CDC25A: variants seen among roughly 807,000 people sequenced by gnomAD.
The protein encoded by CDC25A is M-phase inducer phosphatase 1.
In CDC25A, 17 loss-of-function variants were observed where a neutral mutation model predicts 64.6. The ratio of observed to expected loss-of-function variants is 0.26; its 90% CI spans 0.18 to 0.39. The LOEUF is 0.39. CDC25A is among the 10% of genes least tolerant of loss of function. The pLI, the probability that CDC25A is intolerant of heterozygous loss-of-function variation, is 1.00. For synonymous variants in CDC25A, 229 were observed against 238.6 expected (o/e 0.96, Z 0.37); for missense variants, 473 against 654.8 (o/e 0.72, Z 3.03).
chr3:48,161,050 G>A (rs2031737622), intron 13 of CDC25A: 1 of 151,874 alleles, frequency 6.6e-6, no homozygotes, highest in Admixed American at 6.6e-5. Context: ...CTACTTGGGA[G>A]GCTGAGGCAG....
intron 9 of CDC25A, among the ~76,000 whole-genome samples, chr3:48,169,014 AAAAGGATAATACT>A (rs1194019921): frequency 6.6e-6 from 1 of 152,220 alleles, no homozygotes; most frequent in Non-Finnish European, 1.5e-5. Context: ...TAATTTGAGT[AAAAGGATAATACT>A]TGTAATACAC....
In CDC25A at chr3:48,165,860, G is replaced by A; in HGVS notation, c.1063C>T (p.Gln355Ter). The A allele has an allele frequency of 6.2e-7, 1 of 1,609,018 alleles. No homozygotes were observed. Among genetic ancestry groups the A allele is most frequent in the South Asian group, 1.1e-5 (1 of 90,964 alleles). Reference protein sequence around the residue: ...YLFHTVAGKHQDLKYISPEIM... With the variant: ...YLFHTVAGKH ...TCTGGAGAGATGTATTTTAAATCCTGATGTTTCCCAGCAACTGTATGAAAG... is the reference window on the plus strand; with the variant it reads ...TCTGGAGAGATGTATTTTAAATCCTAATGTTTCCCAGCAACTGTATGAAAG... The change falls in exon 11 of 15, where the codon CAG (glutamine) becomes TAG (stop). Residue 355 changes from glutamine to a stop codon, truncating the protein, a stop_gained. Transcript: ENST00000302506. LOFTEE classifies it high-confidence loss of function.
In CDC25A at chr3:48,158,877, C is replaced by G; in HGVS notation, c.*68G>C. ...ACAGCTGTCCCCTTTGCTTAAGTTT[C>G]TCTGCAGCAAAGAGGGTAAAGGGGG... is the stretch of plus-strand genomic sequence containing the variant. On this transcript the variant is annotated 3_prime_UTR_variant, in exon 15 of 15. Coordinates refer to ENST00000302506, the MANE Select transcript of CDC25A (RefSeq NM_001789.3). 6.4e-7 allele frequency: 1 copy of G among 1,573,032 alleles called. No individual in the cohort carries two copies. The highest frequency in any genetic ancestry group is 2.2e-5 in the East Asian group (1 of 44,498).
chr3:48,180,895 C>A, intron 5 of CDC25A, 55 bp from the exon 6 acceptor site: 1 of 1,596,962 alleles, frequency 6.3e-7, no homozygotes, highest in Non-Finnish European at 8.6e-7. Context: ...CAGGCCTCAG[C>A]TTGGGTGAAA....
rs1553768360 is a variant in CDC25A, at chr3:48,168,360, C to CCACAGACACA, written c.931-417_931-416insTGTGTCTGTG. 4.9e-3 allele frequency among the ~76,000 whole-genome samples: 524 copies of CCACAGACACA among 106,606 alleles called. 1 individual carries two copies. The highest frequency in any genetic ancestry group is 6.5e-3 in the Non-Finnish European group (353 of 54,534). 69.9% of individuals were successfully genotyped at this position (106,606 alleles called of 152,430 possible). A position where few individuals can be genotyped will look rare whatever the true frequency, so the allele number is the denominator to read the frequency against. On this transcript the variant is annotated intron_variant, in intron 9 of 14. Coordinates refer to ENST00000302506, the MANE Select transcript of CDC25A (RefSeq NM_001789.3). Reference sequence around the variant, plus strand: ...ACCAGATCAAAGAGCAAGACCCTGTCCACACACACACACACACACACACAC... The same window carrying CCACAGACACA: ...ACCAGATCAAAGAGCAAGACCCTGTCCACAGACACACACACACACACACACACACACACAC...
intron 9 of CDC25A, 42 bp from the exon 10 acceptor site, chr3:48,167,986 A>G: frequency 8.1e-7 from 1 of 1,228,378 alleles, no homozygotes; most frequent in Non-Finnish European, 1.2e-6. Flanking sequence ...AGGGTTCTGA[A>G]TGGAACTTCC....
Position 48,188,004 on chromosome 3 carries a change from C to T in CDC25A, c.-57G>A, listed in dbSNP as rs2106776055. On this transcript the variant is annotated 5_prime_UTR_variant, in exon 1 of 15. Coordinates refer to ENST00000302506, the MANE Select transcript of CDC25A (RefSeq NM_001789.3). ...CCTCTTCCTCTGCCTCCGCCGCGAC[C>T]GCCCCGCCCCGCCGACACCGGCCTC... The T allele has an allele frequency of 1.6e-6, 2 of 1,288,728 alleles. No individual in the cohort carries two copies. Among genetic ancestry groups the T allele is most frequent in the South Asian group, 2.1e-5 (1 of 47,304 alleles). The allele number at this position is 1,288,728 out of a possible 1,614,324, so 79.8% of individuals were successfully genotyped here.
Position 48,187,818 on chromosome 3 carries a change from T to G in CDC25A, c.130A>C (p.Asn44His). The change falls in exon 1 of 15, where the codon AAC becomes CAC. Residue 44 changes from asparagine to histidine, a missense_variant. Physicochemically the swap from Asn to His is moderately conservative, Grantham distance 68 (BLOSUM62 1). This residue lies in a region of CDC25A where 376 missense variants were observed against 431.9 expected (regional missense o/e 0.87). Transcript: ENST00000302506. Reference protein sequence around the residue: ...SAAGGLSPVTNLTVTMDQLQG... With the variant: ...SAAGGLSPVTHLTVTMDQLQG... ...AGCTGGTCCATAGTGACGGTCAGGTTGGTGACAGGCGACAGTCCCCCGGCG... is the reference window on the plus strand; with the variant it reads ...AGCTGGTCCATAGTGACGGTCAGGTGGGTGACAGGCGACAGTCCCCCGGCG... 1 of 1,548,696 alleles carries G rather than the reference T, an allele frequency of 6.5e-7. No individual in the cohort carries two copies. The highest frequency in any genetic ancestry group is 8.7e-7 in the Non-Finnish European group (1 of 1,145,680).
At chr3:48,175,716 A>G (rs1378105756) in intron 8 of CDC25A, among the ~76,000 whole-genome samples, 1 of 152,246 alleles carries the variant, frequency 6.6e-6, no homozygotes, top group South Asian at 2.1e-4. Context: ...AATCAAATCT[A>G]TAAAACTAAC....
intron 1 of CDC25A, among the ~76,000 whole-genome samples, chr3:48,187,544 C>A (rs1167139456): frequency 2.0e-5 from 3 of 152,240 alleles, no homozygotes; most frequent in African/African-American, 4.8e-5. Context: ...GGGCCTGGCT[C>A]GGGCTTAGGC....
At chr3:48,172,430 T>C (rs998717472) in intron 9 of CDC25A, among the ~76,000 whole-genome samples, 1 of 152,192 alleles carries the variant, frequency 6.6e-6, no homozygotes, top group Non-Finnish European at 1.5e-5. Flanking sequence ...TTATAATGCT[T>C]AATACCAAAC....
At chr3:48,178,086 A>T (rs2032531799) in intron 6 of CDC25A, 98 bp from the exon 7 acceptor site, 2 of 1,239,050 alleles carry the variant, frequency 1.6e-6, no homozygotes, top group Non-Finnish European at 2.2e-6. Context: ...ATACTATGTT[A>T]TACTTGTTAT....
chr3:48,167,213 T>G (rs2032060390), intron 10 of CDC25A, among the ~76,000 whole-genome samples: 1 of 152,230 alleles, frequency 6.6e-6, no homozygotes, highest in African/African-American at 2.4e-5. Flanking sequence ...TTGGAATCTC[T>G]GCCTAACACA....
At chr3:48,184,737 A>C (rs759943859) in intron 2 of CDC25A, 42 bp from the exon 3 acceptor site, 5 of 1,426,180 alleles carry the variant, frequency 3.5e-6, no homozygotes, top group Middle Eastern at 1.9e-4. Context: ...AATACAAAAA[A>C]CACCATTTTG....
In CDC25A at chr3:48,182,953, G is replaced by A. The variant is rs754661584; in HGVS notation, c.405C>T (p.Ile135=). Residue 135 remains isoleucine (I), a synonymous_variant, in exon 5 of 15, where the codon ATC becomes ATT. Coordinates refer to ENST00000302506, the MANE Select transcript of CDC25A (RefSeq NM_001789.3). ...DSLDHDIFQL[I]DPDENKENEA... ...CATTTTCCTTGTTCTCATCTGGGTC[G>A]ATGAGCTGAAAGATGTCATGGTCAA... 21 of 1,612,350 alleles carry A rather than the reference G, an allele frequency of 1.3e-5. No individual in the cohort carries two copies. Among genetic ancestry groups the A allele is most frequent in the African/African-American group, 1.2e-4 (9 of 74,886 alleles).
Position 48,177,997 on chromosome 3 carries a change from C to CA in CDC25A, c.550-10dup. 1 of 1,602,444 alleles carries CA rather than the reference C, an allele frequency of 6.2e-7. No individual in the cohort carries two copies. Among genetic ancestry groups the CA allele is most frequent in the Non-Finnish European group, 8.5e-7 (1 of 1,174,082 alleles). On this transcript the variant is annotated splice_polypyrimidine_tract_variant and intron_variant, in intron 6 of 14. Transcript: ENST00000302506. ...CTTTCATTTGAGGAAAGCTGTAAGA[C>CA]AAAATTCATGGATTAATAATGAGAG...
intron 1 of CDC25A, 72 bp from the exon 2 acceptor site, chr3:48,186,851 C>CA (rs1243910936): frequency 3.9e-6 from 4 of 1,034,290 alleles, no homozygotes; most frequent in Non-Finnish European, 5.8e-6. Context: ...GGAGATAGGC[C>CA]ATGAGATTAA....
intron 8 of CDC25A, among the ~76,000 whole-genome samples, chr3:48,175,261 G>T (rs952158760): frequency 1.3e-5 from 2 of 152,072 alleles, no homozygotes; most frequent in Non-Finnish European, 2.9e-5. Context: ...TTGCACCACT[G>T]CACTCCAGCC....
chr3:48,178,023 C>T (rs752549847), intron 6 of CDC25A, 35 bp from the exon 7 acceptor site: 2 of 1,569,688 alleles, frequency 1.3e-6, no homozygotes, highest in Admixed American at 1.9e-5. Context: ...ATAATGAGAG[C>T]TCTGATCCAC....
Sources: gnomAD v4.1 joint callset for allele counts (sites outside exome capture counted in the v4.1 genomes callset) on GRCh38, gnomAD v4.1.1 for gene constraint, gnomAD v4.1.1 regional missense constraint, MANE v1.5 for transcripts, NCBI Gene and HGNC (gene_info 2026-07-23, HGNC 2026-07-21) for gene names.